The following PXT1 variants were observed in gnomAD, a reference collection of about 807,000 sequenced individuals.
The protein encoded by PXT1 is peroxisomal testis-specific protein 1.
A neutral mutation model predicts 11.0 loss-of-function variants in PXT1; 11 were observed. That is an observed-to-expected ratio of 1.00 (90% CI 0.63 to 1.66). The LOEUF (loss-of-function observed/expected upper bound fraction) is 1.66. PXT1 is among the 40% of genes most tolerant of loss of function. PXT1 has a pLI of 0.00. For missense variants in PXT1, 141 were observed against 155.5 expected (o/e 0.91, Z 0.49); for synonymous variants, 43 against 51.4 (o/e 0.84, Z 0.70).
chr6:36,413,216 A>C (rs1214437194), intron 3 of PXT1, among the ~76,000 whole-genome samples: 1 of 151,826 alleles, frequency 6.6e-6, no homozygotes, highest in Non-Finnish European at 1.5e-5. Flanking sequence ...CAGGAGATCA[A>C]GACCATCCTG....
At chr6:36,421,294 T>A (rs188599521) in intron 3 of PXT1, among the ~76,000 whole-genome samples, 7 of 151,962 alleles carry the variant, frequency 4.6e-5, no homozygotes, top group Admixed American at 1.3e-4. Context: ...AGATGCTGTC[T>A]CTACAAAAAA....
chr6:36,431,846 A>C (rs1269184870), intron 2 of PXT1, among the ~76,000 whole-genome samples: 2 of 152,084 alleles, frequency 1.3e-5, no homozygotes, highest in Non-Finnish European at 2.9e-5. Context: ...CGAGGTGAGG[A>C]TATCGTTTGA....
At chr6:36,407,120 T>A (rs1274709509) in intron 3 of PXT1, among the ~76,000 whole-genome samples, 1 of 152,218 alleles carries the variant, frequency 6.6e-6, no homozygotes, top group African/African-American at 2.4e-5. Flanking sequence ...ACTAGTAGGT[T>A]GTGTTTTTAG....
intron 3 of PXT1, among the ~76,000 whole-genome samples, chr6:36,409,184 T>A (rs548841898): frequency 9.2e-5 from 14 of 151,904 alleles, no homozygotes; most frequent in Non-Finnish European, 1.8e-4. Context: ...CTTCTCCATC[T>A]CTCCTAATCT....
chr6:36,419,757 AGCTCTCC>A (rs1774497595), intron 3 of PXT1, among the ~76,000 whole-genome samples: 1 of 152,226 alleles, frequency 6.6e-6, no homozygotes, highest in African/African-American at 2.4e-5. Flanking sequence ...TCTTGAAGTC[AGCTCTCC>A]TTTCATTTAA....
chr6:36,413,019 G>A (rs1316675666), intron 3 of PXT1, among the ~76,000 whole-genome samples: 1 of 152,084 alleles, frequency 6.6e-6, no homozygotes, highest in Non-Finnish European at 1.5e-5. Flanking sequence ...AATATGAAAG[G>A]ACCAGCATCT....
intron 3 of PXT1, among the ~76,000 whole-genome samples, chr6:36,425,381 G>A (rs991679596): frequency 6.6e-6 from 1 of 151,960 alleles, no homozygotes; most frequent in Non-Finnish European, 1.5e-5. Flanking sequence ...AATGATTCAG[G>A]GCTAATGGAA....
chr6:36,401,675 G>T (rs1342841707), intron 3 of PXT1, among the ~76,000 whole-genome samples: 1 of 150,392 alleles, frequency 6.6e-6, no homozygotes, highest in African/African-American at 2.4e-5. Context: ...ACTTAAAAGG[G>T]CTCTAACAAT....
intron 4 of PXT1, among the ~76,000 whole-genome samples, chr6:36,398,264 C>T (rs894721020): frequency 2.6e-5 from 4 of 152,218 alleles, no homozygotes; most frequent in Non-Finnish European, 1.5e-5. Context: ...CCCTCATACA[C>T]TGCTGGTGGG....
At chr6:36,418,903 CA>C (rs976960526) in intron 3 of PXT1, among the ~76,000 whole-genome samples, 1 of 152,126 alleles carries the variant, frequency 6.6e-6, no homozygotes, top group African/African-American at 2.4e-5. Context: ...TAAAGAGTGG[CA>C]GGGGGGAGAT....
chr6:36,438,149 T>G (rs1774794754), intron 2 of PXT1, among the ~76,000 whole-genome samples: 1 of 152,114 alleles, frequency 6.6e-6, no homozygotes, highest in Non-Finnish European at 1.5e-5. Context: ...ATGAGGCACA[T>G]GTGTATCTTT....
chr6:36,423,509 A>C (rs1165488997), intron 3 of PXT1, among the ~76,000 whole-genome samples: 2 of 152,236 alleles, frequency 1.3e-5, no homozygotes, highest in Non-Finnish European at 2.9e-5. Context: ...GCGCGCGCGT[A>C]GCTCGCCTCG....
rs944100483 is a variant in PXT1, at chr6:36,442,851, G to C, written c.-446C>G. On this transcript the variant is annotated 5_prime_UTR_variant, in exon 1 of 5. Coordinates refer to ENST00000454782, the MANE Select transcript of PXT1 (RefSeq NM_152990.4). ...GCCCGCTGAGGTTGGGTGCAGAGTG[G>C]ACTGGAGGAAAGGCGACACCCATTT... 1.3e-5 allele frequency: 2 copies of C among 152,344 alleles called. No individual in the cohort carries two copies. The highest frequency in any genetic ancestry group is 4.1e-4 in the South Asian group (2 of 4,830). 9.4% of individuals were successfully genotyped at this position (152,344 alleles called of 1,614,324 possible).
chr6:36,414,501 C>T (rs1024126110), intron 3 of PXT1, among the ~76,000 whole-genome samples: 4 of 152,178 alleles, frequency 2.6e-5, no homozygotes, highest in African/African-American at 9.7e-5. Flanking sequence ...TTGTTTTATA[C>T]TTCCTTCCAA....
At chr6:36,438,496 T>C (rs1291017374) in intron 2 of PXT1, among the ~76,000 whole-genome samples, 2 of 152,210 alleles carry the variant, frequency 1.3e-5, no homozygotes, top group Admixed American at 1.3e-4. Flanking sequence ...TGATCTTAGC[T>C]AACTGCAAGC....
At chr6:36,440,040 G>A (rs1774832432) in intron 1 of PXT1, among the ~76,000 whole-genome samples, 2 of 152,180 alleles carry the variant, frequency 1.3e-5, no homozygotes, top group South Asian at 4.1e-4. Flanking sequence ...TGAGGTTGCA[G>A]TGAGCCATGA....
chr6:36,409,932 C>A (rs28371845), intron 3 of PXT1, among the ~76,000 whole-genome samples: 5 of 116,696 alleles, frequency 4.3e-5, no homozygotes, highest in African/African-American at 1.4e-4. Flanking sequence ...GAAGAAAGGA[C>A]GAAGGAAAGA....
intron 1 of PXT1, among the ~76,000 whole-genome samples, chr6:36,439,726 T>C (rs984314283): frequency 6.6e-6 from 1 of 150,982 alleles, no homozygotes; most frequent in African/African-American, 2.4e-5. Flanking sequence ...CAAGAGGTCA[T>C]GTGAGCTGCC....
rs1308116450 is a variant in PXT1 at position 36,425,775 on chromosome 6, G to A, written c.169+139C>T. ...TGCACTTCAGCCTGGGTGACAGAGC[G>A]AGACTCTGTCTCAAAAAACAAAAAC... On this transcript the variant is annotated intron_variant, in intron 3 of 4. Transcript: ENST00000454782. The A allele has an allele frequency of 8.4e-5, 21 of 251,470 alleles. No homozygotes were observed. In the East Asian group the frequency reaches 1.4e-3, roughly 16 times the overall value. 15.6% of individuals were successfully genotyped at this position (251,470 alleles called of 1,614,324 possible). A position where few individuals can be genotyped will look rare whatever the true frequency, so the allele number is the denominator to read the frequency against.
Sources: gnomAD v4.1 joint callset for allele counts (sites outside exome capture counted in the v4.1 genomes callset) on GRCh38, gnomAD v4.1.1 for gene constraint, MANE v1.5 for transcripts, NCBI Gene and HGNC (gene_info 2026-07-23, HGNC 2026-07-21) for gene names.